Variants in CIC observed in about 807,000 individuals in gnomAD.
CIC encodes the protein protein capicua homolog.
Under a neutral mutation model 115.7 loss-of-function variants are expected in CIC, and 18 were observed. The ratio of observed to expected loss-of-function variants is 0.16; its 90% CI spans 0.11 to 0.23. CIC has a LOEUF of 0.23. CIC is among the 10% of genes least tolerant of loss of function. The pLI is 1.00. For missense variants in CIC, 2,000 were observed against 2,159.3 expected (o/e 0.93, Z 1.46); for synonymous variants, 1,076 against 923.0 (o/e 1.17, Z -3.01).
Position 42,291,350 on chromosome 19 carries a change from G to A in CIC, c.5309G>A (p.Ser1770Asn), listed in dbSNP as rs2038084685. 1 of 1,612,710 alleles carries A rather than the reference G, an allele frequency of 6.2e-7. No individual in the cohort carries two copies. The highest frequency in any genetic ancestry group is 2.2e-5 in the East Asian group (1 of 44,880). ...AAPSGPAPTTSIRFTLPPGTS... is the reference protein window; with the variant it reads ...AAPSGPAPTTNIRFTLPPGTS... ...CCCAGCGGCCCTGCACCCACCACCAGCATCCGTTTCACCCTCCCACCGGGC... is the reference window on the plus strand; with the variant it reads ...CCCAGCGGCCCTGCACCCACCACCAACATCCGTTTCACCCTCCCACCGGGC... Residue 1770 changes from serine to asparagine, a missense_variant, in exon 11 of 21, where the codon AGC becomes AAC. Physicochemically the swap from Ser to Asn is conservative, Grantham distance 46. This residue lies in a region of CIC where 1,466 missense variants were observed against 1,390.4 expected (regional missense o/e 1.05). Coordinates refer to ENST00000681038, the MANE Select transcript of CIC (RefSeq NM_001386298.1).
At position 42,287,435 on chromosome 19, in the gene CIC, C is replaced by T. The variant is rs767502801; in HGVS notation, c.3295C>T (p.Arg1099Cys). The T allele has an allele frequency of 3.7e-6, 6 of 1,613,606 alleles. No individual in the cohort carries two copies. The highest frequency in any genetic ancestry group is 2.2e-5 in the South Asian group (2 of 91,084). ...ERDSSSEKDG[R>C]SPNKREKDHI... The stretch of plus-strand genomic sequence containing the variant: ...GGACTCATCTTCTGAGAAGGATGGA[C>T]GCAGCCCCAACAAGGTACTTTATCC... Residue 1099 changes from arginine to cysteine, a missense_variant, in exon 5 of 21, where the codon CGC (arginine) becomes TGC (cysteine). By Grantham distance (180) the Arg-to-Cys change is radical. This residue lies in a region of CIC where 222 missense variants were observed against 247.7 expected (regional missense o/e 0.90). Coordinates refer to ENST00000681038, the MANE Select transcript of CIC (RefSeq NM_001386298.1). The surrounding 1 kb of genome is among the most constrained non-coding windows in gnomAD (Gnocchi z 8.7).
At chr19:42,269,082 G>GCC (rs1411089206), upstream of CIC, 1 of 152,218 alleles carries the variant, frequency 6.6e-6, no homozygotes, top group East Asian at 1.9e-4. Context: ...TTGGACTTTG[G>GCC]CCCCGCCCCC....
Position 42,292,551 on chromosome 19 carries a change from TTC to T in CIC, c.5903-11_5903-10del, listed in dbSNP as rs1057413736. The stretch of plus-strand genomic sequence containing the variant: ...CCCTAACTTGGTCTCCTGCTTCTTC[TTC>T]TCTGTCTTTCAGCAGGCCAAGCCCC... On this transcript the variant is annotated splice_polypyrimidine_tract_variant and intron_variant, in intron 14 of 20. Transcript: ENST00000681038. 1 of 1,612,722 alleles carries T rather than the reference TTC, an allele frequency of 6.2e-7. No individual in the cohort carries two copies.
intron 2 of CIC, among the ~76,000 whole-genome samples, chr19:42,275,050 C>A (rs1405881779): frequency 2.0e-5 from 3 of 152,210 alleles, no homozygotes; most frequent in Non-Finnish European, 4.4e-5. Context: ...TTCACAACCA[C>A]CCTAACAGGA....
rs774850549 is a variant in CIC, at chr19:42,294,076, G to A, written c.6909G>A (p.Arg2303=). 1.2e-6 allele frequency: 2 copies of A among 1,613,646 alleles called. No individual in the cohort carries two copies. The highest frequency in any genetic ancestry group is 1.7e-5 in the Admixed American group (1 of 60,022). ...TCCTGGGCTCTTACCGCAAGAAGAGGAAGAACTCCACGGGTAGGCGAGCAT... is the reference window on the plus strand; with the variant it reads ...TCCTGGGCTCTTACCGCAAGAAGAGAAAGAACTCCACGGGTAGGCGAGCAT... ...RAILGSYRKK[R]KNSTDLDSAP... is the part of the protein sequence containing the mutation. The change falls in exon 18 of 21, where the codon AGG becomes AGA. Residue 2303 remains arginine, a synonymous_variant. Transcript: ENST00000681038.
intron 2 of CIC, among the ~76,000 whole-genome samples, chr19:42,286,328 G>A (rs1371319195): frequency 6.6e-6 from 1 of 152,148 alleles, no homozygotes; most frequent in East Asian, 1.9e-4. Flanking sequence ...AAGAGAGCAT[G>A]AGGCCAAGGT....
rs748419463 is a variant in CIC, at chr19:42,290,872, A to G, written c.4831A>G (p.Asn1611Asp). ...PTSGRAEASP[N>D]DTAGARTEMG... ...CTCTGGCCGGGCTGAGGCGTCTCCAAATGACACAGCAGGTGCCAGGACTGA... is the reference window on the plus strand; with the variant it reads ...CTCTGGCCGGGCTGAGGCGTCTCCAGATGACACAGCAGGTGCCAGGACTGA... Residue 1611 changes from asparagine to aspartate, a missense_variant, in exon 11 of 21, where the codon AAT (asparagine) becomes GAT (aspartate). By Grantham distance (23) the Asn-to-Asp change is conservative. This residue lies in a region of CIC where 1,466 missense variants were observed against 1,390.4 expected (regional missense o/e 1.05). Transcript: ENST00000681038. 46 of 1,612,690 alleles carry G rather than the reference A, an allele frequency of 2.9e-5. No individual in the cohort carries two copies. The highest frequency in any genetic ancestry group is 3.7e-5 in the Non-Finnish European group (44 of 1,179,744).
rs1375232204 is a variant in CIC at position 42,292,403 on chromosome 19, G to T, written c.5839G>T (p.Val1947Leu). ...TVTSYGPTSS[V>L]ALGFTSLGPS... ...CACCTCGTACGGGCCCACGAGCTCTGTAGCTCTAGGCTTCACCTCGCTGGG... is the reference window on the plus strand; with the variant it reads ...CACCTCGTACGGGCCCACGAGCTCTTTAGCTCTAGGCTTCACCTCGCTGGG... Residue 1947 changes from valine to leucine, a missense_variant, in exon 14 of 21, where the codon GTA (valine) becomes TTA (leucine). Physicochemically the swap from Val to Leu is conservative, Grantham distance 32. Transcript: ENST00000681038. 2.5e-5 allele frequency: 41 copies of T among 1,612,194 alleles called. No individual in the cohort carries two copies. Among genetic ancestry groups the T allele is most frequent in the Non-Finnish European group, 3.4e-5 (40 of 1,179,510 alleles).
At chr19:42,282,262 G>T (rs1443210177) in intron 2 of CIC, among the ~76,000 whole-genome samples, 5 of 152,204 alleles carry the variant, frequency 3.3e-5, no homozygotes, top group Non-Finnish European at 5.9e-5. Flanking sequence ...TTTGGGCTCA[G>T]GTTACCCAGT....
intron 1 of CIC, among the ~76,000 whole-genome samples, chr19:42,271,324 AGTTG>A (rs1252675925): frequency 3.3e-5 from 5 of 152,196 alleles, no homozygotes; most frequent in Non-Finnish European, 1.5e-5. Flanking sequence ...ATCTTGGACA[AGTTG>A]TCTCATCTTT....
rs568577278 is a variant in CIC, at chr19:42,292,266, A to G, written c.5736-34A>G. The G allele has an allele frequency of 2.2e-5, 35 of 1,613,460 alleles. No individual in the cohort carries two copies. The South Asian group carries it at 3.3e-4, about 15-fold the overall frequency. On this transcript the variant is annotated intron_variant, in intron 13 of 20. Transcript: ENST00000681038. ...GGAAGGGGTGGGGCGGGGCCGGCTT[A>G]CCTCACTCCTCCCCATTTCCTCTCC...
intron 19 of CIC, 65 bp downstream of exon 19, chr19:42,294,369 G>T (rs1355896474): frequency 1.9e-6 from 3 of 1,603,162 alleles, no homozygotes; most frequent in African/African-American, 1.3e-5. Context: ...TCTGGAAGGC[G>T]GTTAGAGAGT....
chr19:42,294,815 T>C lies in CIC; in HGVS notation c.7187-9T>C, dbSNP rs1264491554. The C allele has an allele frequency of 1.9e-6, 3 of 1,604,200 alleles. No individual in the cohort carries two copies. Among genetic ancestry groups the C allele is most frequent in the Non-Finnish European group, 2.5e-6 (3 of 1,179,962 alleles). ...CATCCTGTGCTCCCCACCGTTTTTC[T>C]ATCTCCAGCCCAGGCCACAGCCGCC... On this transcript the variant is annotated splice_polypyrimidine_tract_variant and intron_variant, in intron 20 of 20. Transcript: ENST00000681038.
At chr19:42,282,512 C>G (rs1427991847) in intron 2 of CIC, among the ~76,000 whole-genome samples, 2 of 152,218 alleles carry the variant, frequency 1.3e-5, no homozygotes. Context: ...GGCTCCACAT[C>G]CTTGCCTGTG....
chr19:42,290,163 C>G, intron 10 of CIC, 70 bp from the exon 11 acceptor site: 1 of 1,602,120 alleles, frequency 6.2e-7, no homozygotes, highest in South Asian at 1.1e-5. Context: ...GCTGGATGGG[C>G]ATGGCTAGGG....
rs375095701 is a variant in CIC, at chr19:42,294,140, C to A, written c.6923-33C>A. The A allele has an allele frequency of 5.6e-6, 9 of 1,613,708 alleles. No homozygotes were observed. The African/African-American group carries it at 1.2e-4, about 22-fold the overall frequency. On this transcript the variant is annotated intron_variant, in intron 18 of 20. Transcript: ENST00000681038. ...TCCTTAGGTGGAGGGCAGACTGGGG[C>A]CACCTGCACTGAGTCTGCTTCTGTT...
rs745542860 is a variant in CIC at position 42,284,756 on chromosome 19, G to C, written c.2795-2015G>C. ...GCCCGCGTCCAGCGCGGCCTCCCGT[G>C]GCCTCGGCATGTTCGGTCAGTAGCG... On this transcript the variant is annotated intron_variant, in intron 2 of 20. Transcript: ENST00000681038. 1 of 1,556,872 alleles carries C rather than the reference G, an allele frequency of 6.4e-7. No individual in the cohort carries two copies. Among genetic ancestry groups the C allele is most frequent in the African/African-American group, 1.4e-5 (1 of 73,922 alleles).
rs2037202315 is a variant in CIC, at chr19:42,280,821, C to T, written c.2795-5950C>T. Among the ~76,000 whole-genome samples the T allele has an allele frequency of 1.3e-5, 2 of 152,002 alleles. No homozygotes were observed. The highest frequency in any genetic ancestry group is 2.4e-5 in the African/African-American group (1 of 41,370). ...CCTCTGCTCGGGCCTTGGCGCCTCC[C>T]TCAGCCCGCGCCGACCAACCCTCCC... On this transcript the variant is annotated intron_variant, in intron 2 of 20. Coordinates refer to ENST00000681038, the MANE Select transcript of CIC (RefSeq NM_001386298.1). This position sits in a 1 kb window ranked among gnomAD's most constrained non-coding sequence, Gnocchi z 4.9.
chr19:42,271,836 G>A lies in CIC; in HGVS notation c.53G>A (p.Ser18Asn). ...CTGLSGPGSG[S>N]KSPPATRAKA... ...GGCCTTTCAGGTCCTGGCAGTGGCA[G>A]CAAGTCCCCCCCAGCCACCAGGGCC... Residue 18 changes from serine (S) to asparagine (N), a missense_variant, in exon 2 of 21, where the codon AGC (serine) becomes AAC (asparagine). Transcript: ENST00000681038. The A allele has an allele frequency of 2.5e-6, 1 of 398,750 alleles. No homozygotes were observed. The highest frequency in any genetic ancestry group is 4.4e-6 in the Non-Finnish European group (1 of 226,148). The allele number at this position is 398,750 out of a possible 1,614,324, so 24.7% of individuals were successfully genotyped here.
Sources: gnomAD v4.1 joint callset for allele counts (sites outside exome capture counted in the v4.1 genomes callset) on GRCh38, gnomAD v4.1.1 for gene constraint, gnomAD v4.1.1 regional missense constraint, Gnocchi (gnomAD v3.1) non-coding constraint, MANE v1.5 for transcripts, NCBI Gene and HGNC (gene_info 2026-07-23, HGNC 2026-07-21) for gene names.